The following TARS3 variants were observed in gnomAD, a reference collection of about 807,000 sequenced individuals.
The protein encoded by TARS3 is threonine--tRNA ligase 2, cytoplasmic.
Under a neutral mutation model 103.5 loss-of-function variants are expected in TARS3, and 94 were observed. The observed-to-expected ratio is 0.91, with a 90% CI of 0.77 to 1.08. The LOEUF (loss-of-function observed/expected upper bound fraction) is 1.08. Among genes scored for constraint, TARS3 ranks in the 50% least tolerant of loss-of-function variants. TARS3 has a pLI of 0.00. For synonymous variants in TARS3, 416 were observed against 355.4 expected, an observed-to-expected ratio of 1.17 and a Z score of -1.92; for missense variants, 952 against 995.2, an observed-to-expected ratio of 0.96 and a Z score of 0.58.
intron 6 of TARS3, among the ~76,000 whole-genome samples, chr15:101,706,963 C>T (rs193234813): frequency 2.3e-4 from 35 of 152,208 alleles, no homozygotes; most frequent in Non-Finnish European, 4.3e-4. Context: ...ATATCAAGAA[C>T]TCTTATAACT....
chr15:101,655,109 G>A (rs1897150764), intron 18 of TARS3, among the ~76,000 whole-genome samples: 1 of 147,758 alleles, frequency 6.8e-6, no homozygotes, highest in African/African-American at 2.5e-5. Context: ...GGCTCACACT[G>A]ACCCCACCTG....
chr15:101,722,948 A>T, intron 2 of TARS3, 145 bp downstream of exon 2: 1 of 710,348 alleles, frequency 1.4e-6, no homozygotes, highest in Non-Finnish European at 2.4e-6. Flanking sequence ...CTCATATTTA[A>T]GGCTTGAAAA....
chr15:101,661,622 T>G (rs953952349), intron 16 of TARS3, 90 bp downstream of exon 16: 3 of 828,748 alleles, frequency 3.6e-6, no homozygotes, highest in Non-Finnish European at 5.4e-6. Flanking sequence ...TTTTTAAGAA[T>G]AGAAATATTT....
At chr15:101,688,411 C>G (rs1156911209) in intron 10 of TARS3, among the ~76,000 whole-genome samples, 1 of 152,020 alleles carries the variant, frequency 6.6e-6, no homozygotes, top group Non-Finnish European at 1.5e-5. Context: ...AGTCCAGTCT[C>G]CTGAAGAAAT....
chr15:101,703,792 A>G (rs1899402401), intron 8 of TARS3, 67 bp downstream of exon 8: 1 of 919,588 alleles, frequency 1.1e-6, no homozygotes. Flanking sequence ...TGAATAAGAT[A>G]TGATTAAAAT....
chr15:101,694,866 T>C (rs1898891118), intron 10 of TARS3, among the ~76,000 whole-genome samples: 1 of 152,030 alleles, frequency 6.6e-6, no homozygotes, highest in African/African-American at 2.4e-5. Flanking sequence ...CGACAGAAAC[T>C]AGAGTGGTGG....
intron 15 of TARS3, among the ~76,000 whole-genome samples, chr15:101,667,622 G>A (rs1311818605): frequency 1.3e-5 from 2 of 151,958 alleles, no homozygotes; most frequent in African/African-American, 2.4e-5. Flanking sequence ...CCAGGCTGGA[G>A]TGCAGTGGCG....
At chr15:101,684,559 C>T (rs1195507071) in intron 11 of TARS3, among the ~76,000 whole-genome samples, 1 of 152,168 alleles carries the variant, frequency 6.6e-6, no homozygotes, top group Non-Finnish European at 1.5e-5. Context: ...TAGACATTTC[C>T]CAGACAGGGC....
At chr15:101,696,310 C>T (rs1898979278) in intron 10 of TARS3, among the ~76,000 whole-genome samples, 1 of 150,980 alleles carries the variant, frequency 6.6e-6, no homozygotes, top group Non-Finnish European at 1.5e-5. Context: ...TTTTACGTTC[C>T]TACCAGCAGT....
chr15:101,659,690 C>A (rs1056346779), intron 16 of TARS3, among the ~76,000 whole-genome samples: 5 of 152,204 alleles, frequency 3.3e-5, no homozygotes, highest in Admixed American at 3.3e-4. Flanking sequence ...TCATCTCTTA[C>A]CTATGGTAAA....
At chr15:101,692,225 G>C (rs1225896464) in intron 10 of TARS3, among the ~76,000 whole-genome samples, 1 of 152,228 alleles carries the variant, frequency 6.6e-6, no homozygotes, top group Non-Finnish European at 1.5e-5. Context: ...GGTTCTGGCT[G>C]TGTTCCACAG....
intron 1 of TARS3, among the ~76,000 whole-genome samples, chr15:101,723,455 A>ATGCAC (rs1158621328): frequency 1.6e-4 from 24 of 152,208 alleles, no homozygotes; most frequent in Non-Finnish European, 3.1e-4. Flanking sequence ...GCCACATCAA[A>ATGCAC]TGCACTATTT....
intron 18 of TARS3, chr15:101,656,076 A>C: frequency 7.8e-7 from 1 of 1,285,090 alleles, no homozygotes; most frequent in South Asian, 1.2e-5. Flanking sequence ...AACCAGAGCA[A>C]GACAGGAACG....
At chr15:101,700,805 C>A (rs964666731) in intron 10 of TARS3, among the ~76,000 whole-genome samples, 1 of 152,106 alleles carries the variant, frequency 6.6e-6, no homozygotes, top group East Asian at 1.9e-4. Flanking sequence ...CCACACTCGG[C>A]TAATTTTTGT....
chr15:101,676,802 CTTT>C (rs76822080), intron 12 of TARS3, among the ~76,000 whole-genome samples: 6 of 143,440 alleles, frequency 4.2e-5, no homozygotes, highest in Non-Finnish European at 4.6e-5. Context: ...CCACTACACC[CTTT>C]TTTTTTTTTT....
chr15:101,700,867 C>A (rs578196554), intron 10 of TARS3, among the ~76,000 whole-genome samples: 1 of 152,218 alleles, frequency 6.6e-6, no homozygotes, highest in East Asian at 1.9e-4. Flanking sequence ...GTCTCGAACT[C>A]CTGACCTCAG....
In TARS3 at chr15:101,657,934, G is replaced by C. The variant is rs1047034376; in HGVS notation, c.2073-77C>G. 1.0e-5 allele frequency: 10 copies of C among 968,902 alleles called. No homozygotes were observed. The African/African-American group carries it at 1.2e-4, about 11-fold the overall frequency. 60.0% of individuals were successfully genotyped at this position (968,902 alleles called of 1,614,324 possible). On this transcript the variant is annotated intron_variant, in intron 16 of 18. Coordinates refer to ENST00000335968, the MANE Select transcript of TARS3 (RefSeq NM_152334.3). ...ATTACATGATTTTCAAATAACCAAA[G>C]ATTCTTTTAAAGACTTCACAAGAGG...
intron 5 of TARS3, among the ~76,000 whole-genome samples, chr15:101,709,718 C>T (rs1899760846): frequency 1.3e-5 from 2 of 152,212 alleles, no homozygotes; most frequent in Admixed American, 6.5e-5. Context: ...CAGACTGGTT[C>T]CTTCACTGCT....
At chr15:101,690,436 C>T (rs1314267291) in intron 10 of TARS3, among the ~76,000 whole-genome samples, 1 of 152,122 alleles carries the variant, frequency 6.6e-6, no homozygotes, top group Non-Finnish European at 1.5e-5. Context: ...CTTTACTGCC[C>T]TGAGATAATG....
Sources: allele counts gnomAD v4.1 joint callset (sites outside exome capture counted in the v4.1 genomes callset), GRCh38; gene constraint gnomAD v4.1.1; transcripts MANE v1.5; gene names NCBI Gene and HGNC (gene_info 2026-07-23, HGNC 2026-07-21).